MYH11: variants seen among roughly 807,000 people sequenced by gnomAD.
MYH11 encodes myosin heavy chain 11.
Under a neutral mutation model 246.6 loss-of-function variants are expected in MYH11, and 80 were observed. The ratio of observed to expected loss-of-function variants is 0.32; its 90% CI spans 0.27 to 0.39. MYH11 has a LOEUF of 0.39. Among genes scored for constraint, MYH11 ranks in the 10% least tolerant of loss-of-function variants. The probability of loss-of-function intolerance (pLI) is 1.00; values close to 1 mark genes in which losing one functional copy is unlikely to be tolerated. For missense variants in MYH11, 2,158 were observed against 2,546.8 expected, an observed-to-expected ratio of 0.85 and a Z score of 3.29; for synonymous variants, 1,071 against 1,015.5, an observed-to-expected ratio of 1.05 and a Z score of -1.04.
chr16:15,726,672 GGTTT>G, intron 28 of MYH11, 172 bp downstream of exon 28: 1 of 788,184 alleles, frequency 1.3e-6, no homozygotes, highest in East Asian at 2.7e-5. Context: ...CTGGCCAGAA[GGTTT>G]TTTTAATATT....
In MYH11 at chr16:15,712,882, GT is replaced by G. The variant is rs59799809; in HGVS notation, c.5786+2026del. The G allele has an allele frequency of 2.9e-4, 26 of 90,598 alleles. 1 individual carries two copies. The highest frequency in any genetic ancestry group is 7.5e-4 in the East Asian group (2 of 2,672). The allele number at this position is 90,598 out of a possible 1,614,324, so 5.6% of individuals were successfully genotyped here. On this transcript the variant is annotated intron_variant, in intron 40 of 40. Transcript: ENST00000300036. ...GGGAACCAGCAACTCTTCACATACA[GT>G]TTTTTTTTTTTTGAGACCGAGTCTC...
At chr16:15,809,904 AGAGT>A (rs1436341203) in intron 3 of MYH11, among the ~76,000 whole-genome samples, 5 of 152,156 alleles carry the variant, frequency 3.3e-5, no homozygotes, top group Non-Finnish European at 7.4e-5. Flanking sequence ...CCTGGGCAAC[AGAGT>A]GAGACTCTGT....
chr16:15,795,036 G>A (rs559573853), intron 4 of MYH11, among the ~76,000 whole-genome samples: 195 of 152,352 alleles, frequency 1.3e-3, no homozygotes, highest in African/African-American at 4.4e-3. Flanking sequence ...GGGCGAAGTG[G>A]CTCATGCCTG....
intron 12 of MYH11, among the ~76,000 whole-genome samples, chr16:15,758,762 T>C (rs1321516803): frequency 6.6e-6 from 1 of 150,422 alleles, no homozygotes; most frequent in Non-Finnish European, 1.5e-5. Context: ...ATTGCACTAC[T>C]GCACTCCGGC....
At chr16:15,710,393 C>G (rs2151178376) in intron 40 of MYH11, among the ~76,000 whole-genome samples, 1 of 152,270 alleles carries the variant, frequency 6.6e-6, no homozygotes, top group Middle Eastern at 3.4e-3. Context: ...TGGTGGCACG[C>G]ACCTGTAATC....
chr16:15,796,277 A>G (rs145169882), intron 4 of MYH11, among the ~76,000 whole-genome samples: 15 of 152,358 alleles, frequency 9.8e-5, no homozygotes, highest in African/African-American at 2.6e-4. Flanking sequence ...CTTTGTGCTC[A>G]TCACAAAGTT....
At chr16:15,816,297 G>A (rs527454615) in intron 3 of MYH11, among the ~76,000 whole-genome samples, 12 of 152,232 alleles carry the variant, frequency 7.9e-5, no homozygotes, top group Non-Finnish European at 1.3e-4. Context: ...CACATTCAAG[G>A]AGATGATATC....
rs71134466 is a variant in MYH11, at chr16:15,812,551, T to TAAAAA, written c.502+10699_502+10703dup. Among the ~76,000 whole-genome samples, 167 of 37,424 alleles carry TAAAAA rather than the reference T, an allele frequency of 4.5e-3. 8 individuals carry two copies. In the East Asian group the frequency reaches 0.064, roughly 14 times the overall value. 24.6% of individuals were successfully genotyped at this position (37,424 alleles called of 152,430 possible). On this transcript the variant is annotated intron_variant, in intron 3 of 40. Transcript: ENST00000300036. ...GGGCAACACAGTAAGATCTTATCTC[T>TAAAAA]AAAAAAAAAAAAAAAAAAAAAAAAA...
intron 9 of MYH11, among the ~76,000 whole-genome samples, chr16:15,764,147 G>A (rs1030063939): frequency 1.3e-5 from 2 of 152,140 alleles, no homozygotes; most frequent in African/African-American, 4.8e-5. Flanking sequence ...TAAAGTTTTA[G>A]TGGAAAACAG....
At chr16:15,783,710 T>C (rs1192380653) in intron 5 of MYH11, among the ~76,000 whole-genome samples, 1 of 152,134 alleles carries the variant, frequency 6.6e-6, no homozygotes, top group East Asian at 1.9e-4. Context: ...TGAAAAAGGC[T>C]CCCTTTCTAG....
chr16:15,810,444 CATG>C (rs1226415139), intron 3 of MYH11, among the ~76,000 whole-genome samples: 1 of 152,136 alleles, frequency 6.6e-6, no homozygotes, highest in African/African-American at 2.4e-5. Context: ...GTGAACTTTT[CATG>C]ATTAGTCAGA....
At chr16:15,829,595 A>G (rs1657036846) in intron 2 of MYH11, among the ~76,000 whole-genome samples, 1 of 152,140 alleles carries the variant, frequency 6.6e-6, no homozygotes. Flanking sequence ...GGTTAAATTC[A>G]GAGGTTTCAA....
At chr16:15,836,895 T>G (rs1057028179) in intron 2 of MYH11, among the ~76,000 whole-genome samples, 3 of 151,952 alleles carry the variant, frequency 2.0e-5, no homozygotes, top group African/African-American at 7.2e-5. Context: ...TGGCTAATTT[T>G]GGCATTTTTA....
At chr16:15,740,438 T>C (rs2041241291) in intron 22 of MYH11, among the ~76,000 whole-genome samples, 1 of 151,686 alleles carries the variant, frequency 6.6e-6, no homozygotes, top group Non-Finnish European at 1.5e-5. Flanking sequence ...TGAAACCCCG[T>C]CTCTACTAAA....
intron 25 of MYH11, 147 bp from the exon 26 acceptor site, chr16:15,735,725 C>A: frequency 2.5e-6 from 2 of 785,580 alleles, no homozygotes; most frequent in Non-Finnish European, 4.3e-6. Flanking sequence ...TGCTTCTTGA[C>A]ATGCCAGACT....
At chr16:15,720,370 C>T in intron 33 of MYH11, 58 bp from the exon 34 acceptor site, 3 of 1,571,658 alleles carry the variant, frequency 1.9e-6, no homozygotes, top group South Asian at 1.2e-5. Context: ...TCCTTTGGCT[C>T]ACCTAGGCAG....
At chr16:15,778,144 G>A (rs1451517205) in intron 7 of MYH11, among the ~76,000 whole-genome samples, 5 of 152,128 alleles carry the variant, frequency 3.3e-5, no homozygotes, top group Non-Finnish European at 5.9e-5. Flanking sequence ...GTTCCCCCAC[G>A]TCCAGAAATT....
chr16:15,850,472 C>G (rs148369192), intron 1 of MYH11, among the ~76,000 whole-genome samples: 2 of 152,246 alleles, frequency 1.3e-5, no homozygotes, highest in African/African-American at 4.8e-5. Context: ...TCAACAGCTT[C>G]CCTCAGGATT....
chr16:15,850,369 G>A (rs2044300117), intron 1 of MYH11, among the ~76,000 whole-genome samples: 1 of 151,700 alleles, frequency 6.6e-6, no homozygotes, highest in Admixed American at 6.6e-5. Context: ...TGGGCGACAA[G>A]AGCAAAACTC....
Sources: gnomAD v4.1 joint callset for allele counts (sites outside exome capture counted in the v4.1 genomes callset) on GRCh38, gnomAD v4.1.1 for gene constraint, MANE v1.5 for transcripts, NCBI Gene and HGNC (gene_info 2026-07-23, HGNC 2026-07-21) for gene names.